RBFOX1: variants seen among roughly 807,000 people sequenced by gnomAD.
RBFOX1 encodes RNA binding protein fox-1 homolog 1.
A neutral mutation model predicts 57.7 loss-of-function variants in RBFOX1; 8 were observed. That is an observed-to-expected ratio of 0.14 (90% CI 0.08 to 0.25). The LOEUF (loss-of-function observed/expected upper bound fraction) is 0.25. Among genes scored for constraint, RBFOX1 ranks in the 10% least tolerant of loss-of-function variants. The pLI is 1.00. For missense variants in RBFOX1, 611 were observed against 548.5 expected (o/e 1.11, Z -1.14); for synonymous variants, 326 against 222.4 (o/e 1.47, Z -4.15).
chr16:5,749,378 C>T (rs946255572), intron 3 of RBFOX1, among the ~76,000 whole-genome samples: 2 of 152,078 alleles, frequency 1.3e-5, no homozygotes, highest in African/African-American at 4.8e-5. Context: ...ATCTTTGTGG[C>T]ATTCTCTGTA....
At chr16:6,947,179 C>T (rs1427753977) in intron 3 of RBFOX1, among the ~76,000 whole-genome samples, 1 of 152,124 alleles carries the variant, frequency 6.6e-6, no homozygotes, top group African/African-American at 2.4e-5. Context: ...GCTGTGATTT[C>T]AACTCTTTAT....
intron 1 of RBFOX1, among the ~76,000 whole-genome samples, chr16:6,289,668 A>C (rs896687834): frequency 6.6e-6 from 1 of 152,172 alleles, no homozygotes; most frequent in African/African-American, 2.4e-5. Flanking sequence ...TGGCCCTAGT[A>C]CAAGAAGATG....
rs9926739 is a variant in RBFOX1, at chr16:6,770,515, G to A, written c.-16+115865G>A. ...CAATATTAGGATAGCCCTGCAAGTC[G>A]AAAATATTTTCTTTCTGCCCCTTTA... On this transcript the variant is annotated intron_variant, in intron 3 of 15. Transcript: ENST00000550418. Among the ~76,000 whole-genome samples the A allele has an allele frequency of 7.5e-3, 1,137 of 152,254 alleles. 16 individuals carry two copies. The highest frequency in any genetic ancestry group is 0.026 in the African/African-American group (1,086 of 41,536).
At chr16:7,236,508 C>G (rs771702612) in intron 4 of RBFOX1, among the ~76,000 whole-genome samples, 4 of 152,052 alleles carry the variant, frequency 2.6e-5, no homozygotes, top group Admixed American at 6.6e-5. Flanking sequence ...CATCCCATTG[C>G]CATTAGGATT....
rs543116586 is a variant in RBFOX1 at position 5,666,221 on chromosome 16, G to A, written c.318+67260G>A. ...GGGAGGGCAGTTCTTCGCAGAGCGCGGGGCATCTGGTCCAGTTCCCAGTGT... is the reference window on the plus strand; with the variant it reads ...GGGAGGGCAGTTCTTCGCAGAGCGCAGGGCATCTGGTCCAGTTCCCAGTGT... On this transcript the variant is annotated intron_variant, in intron 3 of 19. Transcript: ENST00000641259. Among the ~76,000 whole-genome samples, 25 of 152,316 alleles carry A rather than the reference G, an allele frequency of 1.6e-4. No homozygotes were observed. In the East Asian group the frequency reaches 3.1e-3, roughly 19 times the overall value.
intron 3 of RBFOX1, among the ~76,000 whole-genome samples, chr16:6,828,522 TAAAA>T (rs781606124): frequency 1.4e-5 from 2 of 143,244 alleles, no homozygotes; most frequent in African/African-American, 5.1e-5. Context: ...GACGTGTCTT[TAAAA>T]AAAAAAAAAA....
At chr16:5,941,140 C>G (rs926740843) in intron 4 of RBFOX1, among the ~76,000 whole-genome samples, 1 of 151,994 alleles carries the variant, frequency 6.6e-6, no homozygotes, top group African/African-American at 2.4e-5. Context: ...AAAAAGCGTT[C>G]AAATAAGACT....
intron 7 of RBFOX1, among the ~76,000 whole-genome samples, chr16:7,594,630 G>T (rs796953039): frequency 3.9e-5 from 6 of 152,068 alleles, no homozygotes; most frequent in African/African-American, 1.2e-4. Flanking sequence ...TAAATTAAAA[G>T]GTATATATGT....
intron 3 of RBFOX1, among the ~76,000 whole-genome samples, chr16:7,019,718 G>C (rs2094109935): frequency 1.3e-5 from 2 of 152,216 alleles, no homozygotes. Flanking sequence ...ATGCTAAAGA[G>C]AACAAGCTTG....
In RBFOX1 at chr16:6,066,293, C is replaced by CAAAAAAAAA. The variant is rs372412356; in HGVS notation, c.-127+46320_-127+46328dup. 4.9e-3 allele frequency among the ~76,000 whole-genome samples: 247 copies of CAAAAAAAAA among 50,380 alleles called. 42 individuals are homozygous for CAAAAAAAAA. The highest frequency in any genetic ancestry group is 0.032 in the Middle Eastern group (2 of 62). The allele number at this position is 50,380 out of a possible 152,430, so 33.1% of individuals were successfully genotyped here. A position where few individuals can be genotyped will look rare whatever the true frequency, so the allele number is the denominator to read the frequency against. ...CTGACTACAGAGCAAGACTCTGTCT[C>CAAAAAAAAA]AAAAAAAAAAAAAAAAAAAAAAAAA... is the stretch of plus-strand genomic sequence containing the variant. On this transcript the variant is annotated intron_variant, in intron 1 of 15. Coordinates refer to ENST00000550418, the MANE Select transcript of RBFOX1 (RefSeq NM_018723.4).
At position 7,365,703 on chromosome 16, in the gene RBFOX1, T is replaced by C. The variant is rs116460892; in HGVS notation, c.28-152444T>C. On this transcript the variant is annotated intron_variant, in intron 4 of 15. Coordinates refer to ENST00000550418, the MANE Select transcript of RBFOX1 (RefSeq NM_018723.4). ...TACTTTACTTCCCACAGTACAGAAT[T>C]ATAGCACCCAAAATATCAAGAGTGC... Among the ~76,000 whole-genome samples, 905 of 152,252 alleles carry C rather than the reference T, an allele frequency of 5.9e-3. 10 individuals carry two copies. The highest frequency in any genetic ancestry group is 0.02 in the African/African-American group (845 of 41,534).
chr16:6,192,419 C>A (rs571917731), intron 1 of RBFOX1, among the ~76,000 whole-genome samples: 1 of 152,080 alleles, frequency 6.6e-6, no homozygotes, highest in Admixed American at 6.6e-5. Context: ...TTCTTACTGT[C>A]TTTATTTGAG....
intron 1 of RBFOX1, among the ~76,000 whole-genome samples, chr16:6,098,764 A>C (rs886304385): frequency 6.6e-6 from 1 of 152,200 alleles, no homozygotes; most frequent in Non-Finnish European, 1.5e-5. Flanking sequence ...TCACTGTTTT[A>C]CTAACAAGTT....
rs1017808448 is a variant in RBFOX1, at chr16:7,163,539, C to G, written c.27+111441C>G. Among the ~76,000 whole-genome samples the G allele has an allele frequency of 5.9e-5, 9 of 152,288 alleles. 1 individual carries two copies. Among genetic ancestry groups the G allele is most frequent in the Middle Eastern group, 6.8e-3 (2 of 294 alleles). ...AGCACTCCCTTTAACATCAGTCTCT[C>G]TCCCTCTTCTTCCACCTAGAATCTC... On this transcript the variant is annotated intron_variant, in intron 4 of 15. Transcript: ENST00000550418.
chr16:5,543,150 A>T (rs1328067236), intron 2 of RBFOX1, among the ~76,000 whole-genome samples: 1 of 152,242 alleles, frequency 6.6e-6, no homozygotes, highest in Non-Finnish European at 1.5e-5. Flanking sequence ...GTATCCCAGA[A>T]CAAAGGTCAA....
At chr16:6,593,236 G>A (rs949497930) in intron 2 of RBFOX1, among the ~76,000 whole-genome samples, 2 of 152,044 alleles carry the variant, frequency 1.3e-5, no homozygotes, top group African/African-American at 4.8e-5. Context: ...CCTCTTCCAC[G>A]TACCCATCTC....
chr16:5,344,607 T>TC (rs1167952963), intron 1 of RBFOX1, among the ~76,000 whole-genome samples: 2 of 151,936 alleles, frequency 1.3e-5, no homozygotes, highest in African/African-American at 4.8e-5. Flanking sequence ...TTTTTCCCCC[T>TC]CCCCCGGCTG....
At chr16:6,565,494 T>G (rs972477671) in intron 2 of RBFOX1, among the ~76,000 whole-genome samples, 1 of 151,746 alleles carries the variant, frequency 6.6e-6, no homozygotes, top group African/African-American at 2.4e-5. Context: ...CCTGACCTCG[T>G]GATCCACCTG....
intron 2 of RBFOX1, among the ~76,000 whole-genome samples, chr16:5,562,784 C>T (rs750555609): frequency 1.3e-5 from 2 of 152,102 alleles, no homozygotes; most frequent in South Asian, 2.1e-4. Context: ...GAAAAATTCT[C>T]TGCCATTTTC....
Sources: gnomAD v4.1 joint callset for allele counts (sites outside exome capture counted in the v4.1 genomes callset) on GRCh38, gnomAD v4.1.1 for gene constraint, MANE v1.5 for transcripts, NCBI Gene and HGNC (gene_info 2026-07-23, HGNC 2026-07-21) for gene names.